Variants in SLC37A3 observed in about 807,000 individuals in gnomAD.
SLC37A3 encodes the protein sugar phosphate exchanger 3.
Under a neutral mutation model 67.1 loss-of-function variants are expected in SLC37A3, and 51 were observed. The ratio of observed to expected loss-of-function variants is 0.76; its 90% CI spans 0.61 to 0.96. The LOEUF is 0.96. Among genes scored for constraint, SLC37A3 ranks in the 40% least tolerant of loss-of-function variants. SLC37A3 has a pLI of 0.00. For missense variants in SLC37A3, 508 were observed against 603.0 expected (o/e 0.84, Z 1.65); for synonymous variants, 214 against 231.4 (o/e 0.92, Z 0.68).
chr7:140,369,568 GC>G, intron 4 of SLC37A3, 21 bp downstream of exon 4: 8 of 1,598,450 alleles, frequency 5.0e-6, no homozygotes, highest in Non-Finnish European at 6.9e-6. Flanking sequence ...TTAGCTTTAA[GC>G]CCTAGAGTTC....
At chr7:140,391,713 G>A (rs953767165) in intron 1 of SLC37A3, among the ~76,000 whole-genome samples, 3 of 152,104 alleles carry the variant, frequency 2.0e-5, no homozygotes, top group South Asian at 2.1e-4. Context: ...GCCTTTCTTC[G>A]TGGTCCAGGA....
intron 7 of SLC37A3, among the ~76,000 whole-genome samples, chr7:140,353,535 T>C (rs1342020792): frequency 6.6e-6 from 1 of 151,992 alleles, no homozygotes; most frequent in Non-Finnish European, 1.5e-5. Flanking sequence ...CTTCCCCATC[T>C]GCTCAATTCT....
chr7:140,367,112 T>C (rs1184586053), intron 4 of SLC37A3, among the ~76,000 whole-genome samples: 1 of 151,504 alleles, frequency 6.6e-6, no homozygotes, highest in Non-Finnish European at 1.5e-5. Flanking sequence ...CACTCCAGCC[T>C]GGGCAACACA....
intron 14 of SLC37A3, 27 bp downstream of exon 14, chr7:140,337,257 T>C (rs777547780): frequency 6.5e-7 from 1 of 1,536,130 alleles, no homozygotes; most frequent in South Asian, 1.3e-5. Flanking sequence ...AAATGACTTT[T>C]TTTTTTTTAA....
intron 6 of SLC37A3, among the ~76,000 whole-genome samples, chr7:140,357,480 C>T (rs1797077109): frequency 6.6e-6 from 1 of 151,724 alleles, no homozygotes; most frequent in Non-Finnish European, 1.5e-5. Context: ...GCCTATATTC[C>T]CAGCACTTCG....
Position 140,361,804 on chromosome 7 carries a change from G to A in SLC37A3, c.375+2604C>T, listed in dbSNP as rs1170468495. On this transcript the variant is annotated intron_variant, in intron 5 of 14. Coordinates refer to ENST00000326232, the MANE Select transcript of SLC37A3 (RefSeq NM_207113.3). ...TAACCGCGAGTGATCCGCCAGCCTC[G>A]GCCTCCCGAGGTGCCGGGATTGCAG... is the stretch of plus-strand genomic sequence containing the variant. 8.3e-4 allele frequency among the ~76,000 whole-genome samples: 118 copies of A among 142,470 alleles called. 2 individuals are homozygous for A. Among genetic ancestry groups the A allele is most frequent in the African/African-American group, 3.0e-3 (116 of 38,682 alleles). The allele number at this position is 142,470 out of a possible 152,430, so 93.5% of individuals were successfully genotyped here. A position where few individuals can be genotyped will look rare whatever the true frequency, so the allele number is the denominator to read the frequency against.
intron 6 of SLC37A3, among the ~76,000 whole-genome samples, chr7:140,356,279 T>C (rs941827081): frequency 1.3e-5 from 2 of 151,632 alleles, no homozygotes; most frequent in African/African-American, 2.4e-5. Flanking sequence ...TGCAATAGTA[T>C]GTTAAAAAGC....
intron 1 of SLC37A3, among the ~76,000 whole-genome samples, chr7:140,382,846 A>G (rs1044523970): frequency 1.3e-5 from 2 of 152,004 alleles, no homozygotes; most frequent in African/African-American, 4.8e-5. Flanking sequence ...TAAGAAAATC[A>G]CTCATTCTTA....
chr7:140,360,926 G>A (rs6978245), intron 5 of SLC37A3, among the ~76,000 whole-genome samples: 3 of 151,746 alleles, frequency 2.0e-5, no homozygotes, highest in Non-Finnish European at 4.4e-5. Context: ...GGCTGTCCTT[G>A]TCTAGGGAAT....
At chr7:140,383,702 G>A (rs1284630332) in intron 1 of SLC37A3, among the ~76,000 whole-genome samples, 2 of 151,408 alleles carry the variant, frequency 1.3e-5, no homozygotes, top group Non-Finnish European at 2.9e-5. Flanking sequence ...TTTGAGACAG[G>A]GTCTCACTCT....
rs1585294299 is a variant in SLC37A3 at position 140,358,776 on chromosome 7, A to G, written c.385T>C (p.Phe129Leu). The change falls in exon 6 of 15, where the codon TTT becomes CTT. Residue 129 changes from phenylalanine (F) to leucine (L), a missense_variant. Coordinates refer to ENST00000326232, the MANE Select transcript of SLC37A3 (RefSeq NM_207113.3). Reference protein sequence around the residue: ...MCSSALVVFVFGALTEWLRFY... With the variant: ...MCSSALVVFVLGALTEWLRFY... ...CGCAGCCATTCTGTGAGCGCACCAA[A>G]GACAAACACCTTGAAGAGGAGGAAA... The G allele has an allele frequency of 1.2e-6, 2 of 1,614,170 alleles. No individual in the cohort carries two copies. Among genetic ancestry groups the G allele is most frequent in the South Asian group, 2.2e-5 (2 of 91,074 alleles).
chr7:140,335,275 G>C lies in SLC37A3; in HGVS notation c.*137C>G. The C allele has an allele frequency of 6.2e-7, 1 of 1,614,132 alleles. No homozygotes were observed. The highest frequency in any genetic ancestry group is 1.1e-5 in the South Asian group (1 of 91,076). On this transcript the variant is annotated 3_prime_UTR_variant, in exon 15 of 15. Transcript: ENST00000326232. ...CCTTCACTGCTGGTCAGCATCTCAG[G>C]TGGCTGGCAGTGTTGAGAGACGCCT...
At chr7:140,344,798 T>C (rs569399358) in intron 12 of SLC37A3, among the ~76,000 whole-genome samples, 1 of 152,278 alleles carries the variant, frequency 6.6e-6, no homozygotes, top group Non-Finnish European at 1.5e-5. Context: ...TTCTATAACA[T>C]AGTCCCTAAA....
At chr7:140,348,529 A>G (rs1245454312) in intron 10 of SLC37A3, 97 bp downstream of exon 10, 2 of 1,334,400 alleles carry the variant, frequency 1.5e-6, no homozygotes, top group African/African-American at 3.1e-5. Context: ...GCTGTAGAAT[A>G]AGTAATAAAA....
chr7:140,383,739 C>T (rs117919318), intron 1 of SLC37A3, among the ~76,000 whole-genome samples: 13,266 of 152,056 alleles, frequency 0.087, 852 homozygotes, highest in Non-Finnish European at 0.13. Flanking sequence ...TACAGTGGCA[C>T]GATCTCGACT....
At chr7:140,346,140 G>A (rs1389283429) in intron 10 of SLC37A3, among the ~76,000 whole-genome samples, 170 bp from the exon 11 acceptor site, 1 of 152,180 alleles carries the variant, frequency 6.6e-6, no homozygotes, top group African/African-American at 2.4e-5. Flanking sequence ...AGCTCTTTGG[G>A]AGGCTGAGGC....
rs771954390 is a variant in SLC37A3, at chr7:140,345,870, A to G, written c.1125T>C (p.Ser375=). ...LLAVGSLIGY[S]RSPNDKSINA... ...TAGTAATTGCAAAAGAATACTCACG[A>G]CTATACCCGATGAGGGACCCAACTG... The change falls in exon 11 of 15, where the codon AGT becomes AGC. Residue 375 remains serine, a splice_region_variant and synonymous_variant. Transcript: ENST00000326232. 6.2e-7 allele frequency: 1 copy of G among 1,611,236 alleles called. No homozygotes were observed. The highest frequency in any genetic ancestry group is 8.5e-7 in the Non-Finnish European group (1 of 1,177,482).
chr7:140,355,639 G>A, intron 7 of SLC37A3, 29 bp downstream of exon 7: 1 of 1,570,966 alleles, frequency 6.4e-7, no homozygotes. Flanking sequence ...GAGAGAGAGA[G>A]AGCACCAGAG....
At chr7:140,379,771 G>A (rs1798176759) in intron 3 of SLC37A3, 1 of 151,866 alleles carries the variant, frequency 6.6e-6, no homozygotes, top group Non-Finnish European at 1.5e-5. Flanking sequence ...GTGCGCGACT[G>A]TAGTCCCAGC....
Sources: gnomAD v4.1 joint callset for allele counts (sites outside exome capture counted in the v4.1 genomes callset) on GRCh38, gnomAD v4.1.1 for gene constraint, MANE v1.5 for transcripts, NCBI Gene and HGNC (gene_info 2026-07-23, HGNC 2026-07-21) for gene names.